The following CAST variants were observed in gnomAD, a reference collection of about 807,000 sequenced individuals.
CAST encodes MIR583 host.
Under a neutral mutation model 119.6 loss-of-function variants are expected in CAST, and 76 were observed. The ratio of observed to expected loss-of-function variants is 0.64; its 90% confidence interval spans 0.53 to 0.77. CAST has a LOEUF of 0.77. Ranked by LOEUF, CAST falls within the 30% of genes least tolerant of loss-of-function variation. The pLI is 0.00. For synonymous variants in CAST, 319 were observed against 331.6 expected, an observed-to-expected ratio of 0.96 and a Z score of 0.41; for missense variants, 953 against 946.5, an observed-to-expected ratio of 1.01 and a Z score of -0.09.
At chr5:96,502,546 T>C in the CAST span, among the ~76,000 whole-genome samples, 4 of 152,046 alleles carry the variant, frequency 2.6e-5, no homozygotes, top group African/African-American at 4.8e-5. Context: ...TTCAAAGATG[T>C]ATAAAAAAAA....
chr5:96,507,298 G>A, the CAST span, among the ~76,000 whole-genome samples: 1 of 152,066 alleles, frequency 6.6e-6, no homozygotes, highest in Non-Finnish European at 1.5e-5. Flanking sequence ...ATGCTTGAGG[G>A]GCCAAAGTGA....
At chr5:96,493,832 C>T in the CAST span, among the ~76,000 whole-genome samples, 1 of 152,068 alleles carries the variant, frequency 6.6e-6, no homozygotes, top group Admixed American at 6.6e-5. Flanking sequence ...GTCAGGAGTT[C>T]GAGACCAGGC....
At chr5:96,204,913 TC>T in the CAST span, among the ~76,000 whole-genome samples, 2 of 152,128 alleles carry the variant, frequency 1.3e-5, no homozygotes, top group African/African-American at 4.8e-5. Flanking sequence ...TATTTAGTCC[TC>T]AATAGCATCA....
the CAST span, among the ~76,000 whole-genome samples, chr5:96,162,620 G>C: frequency 1.3e-5 from 2 of 152,102 alleles, no homozygotes; most frequent in Non-Finnish European, 2.9e-5. Context: ...GTTTCACCAT[G>C]TTGGCCAGGC....
At chr5:96,695,232 TTAGAG>T (rs1198573859) in intron 2 of CAST, among the ~76,000 whole-genome samples, 1 of 152,196 alleles carries the variant, frequency 6.6e-6, no homozygotes, top group Non-Finnish European at 1.5e-5. Context: ...TTTAAAACAC[TTAGAG>T]TACTTAGAAT....
At chr5:96,156,069 G>A in the CAST span, among the ~76,000 whole-genome samples, 1 of 152,114 alleles carries the variant, frequency 6.6e-6, no homozygotes, top group East Asian at 1.9e-4. Flanking sequence ...ATTTTATATC[G>A]TATTGAACGT....
chr5:96,325,462 TTTTATTTATTTATTTTA>T, the CAST span, among the ~76,000 whole-genome samples: 3 of 150,856 alleles, frequency 2.0e-5, no homozygotes, highest in East Asian at 5.8e-4. Context: ...TCTTTTATTT[TTTTATTTATTTATTTTA>T]TTTATTTATT....
chr5:96,292,017 CTT>C, the CAST span, among the ~76,000 whole-genome samples: 10 of 152,128 alleles, frequency 6.6e-5, no homozygotes, highest in African/African-American at 2.4e-4. Flanking sequence ...ACAATTCAGA[CTT>C]TTGTGCTTTC....
At chr5:96,386,475 T>G in the CAST span, among the ~76,000 whole-genome samples, 1 of 152,204 alleles carries the variant, frequency 6.6e-6, no homozygotes, top group Non-Finnish European at 1.5e-5. Context: ...CACATAATCT[T>G]AGCCAGAGAT....
At chr5:96,098,824 A>G in the CAST span, among the ~76,000 whole-genome samples, 2 of 152,134 alleles carry the variant, frequency 1.3e-5, no homozygotes, top group African/African-American at 4.8e-5. Flanking sequence ...TTGGTTCCAT[A>G]TGAATTTTTA....
intron 3 of CAST, among the ~76,000 whole-genome samples, chr5:96,704,628 T>C (rs542071095): frequency 6.6e-6 from 1 of 152,368 alleles, no homozygotes; most frequent in African/African-American, 2.4e-5. Context: ...TCTATGTTCA[T>C]ATATATCTTT....
At chr5:96,208,956 A>G in the CAST span, among the ~76,000 whole-genome samples, 11 of 151,892 alleles carry the variant, frequency 7.2e-5, no homozygotes, top group South Asian at 2.1e-4. Context: ...ATTGTTATCT[A>G]TGTCTCTTCA....
chr5:96,631,997 C>T (rs866457046), intron 1 of CAST, among the ~76,000 whole-genome samples: 7 of 150,712 alleles, frequency 4.6e-5, no homozygotes, highest in South Asian at 4.2e-4. Flanking sequence ...TCCACATCCT[C>T]GCCAACACTT....
chr5:96,754,953 T>C (rs564276417), intron 22 of CAST: 5 of 367,854 alleles, frequency 1.4e-5, no homozygotes, highest in Non-Finnish European at 2.5e-5. Flanking sequence ...GTGAAAGAAA[T>C]CTAATGTCTA....
the CAST span, among the ~76,000 whole-genome samples, chr5:96,335,774 T>G: frequency 6.6e-6 from 1 of 152,218 alleles, no homozygotes; most frequent in Non-Finnish European, 1.5e-5. Context: ...CCTAAACCTC[T>G]ATTTGTTCTG....
the CAST span, among the ~76,000 whole-genome samples, chr5:96,021,593 C>G: frequency 6.6e-6 from 1 of 151,964 alleles, no homozygotes; most frequent in Non-Finnish European, 1.5e-5. Context: ...CTACAGGCGC[C>G]CGCCACCACG....
the CAST span, among the ~76,000 whole-genome samples, chr5:96,040,284 G>A: frequency 1.8e-4 from 27 of 152,212 alleles, no homozygotes; most frequent in East Asian, 3.3e-3. Context: ...TGGGACGATC[G>A]GGTTTTCTAA....
At chr5:96,411,337 T>C in the CAST span, among the ~76,000 whole-genome samples, 1 of 152,270 alleles carries the variant, frequency 6.6e-6, no homozygotes, top group Non-Finnish European at 1.5e-5. Flanking sequence ...CCTCTCTTTC[T>C]TTCTGCTTCA....
At chr5:96,290,435 C>T in the CAST span, among the ~76,000 whole-genome samples, 276 of 151,832 alleles carry the variant, frequency 1.8e-3, 1 homozygote, top group Middle Eastern at 6.8e-3. Flanking sequence ...AATTTTATAG[C>T]AATTCCCCTT....
Sources: allele counts gnomAD v4.1 joint callset (sites outside exome capture counted in the v4.1 genomes callset), GRCh38; gene constraint gnomAD v4.1.1; transcripts MANE v1.5; gene names NCBI Gene and HGNC (gene_info 2026-07-23, HGNC 2026-07-21).